KLF12: variants seen among roughly 807,000 people sequenced by gnomAD.
KLF12 encodes KLF transcription factor 12.
Under a neutral mutation model 37.8 loss-of-function variants are expected in KLF12, and 9 were observed. That is an observed-to-expected ratio of 0.24 (90% CI 0.14 to 0.42). KLF12 has a LOEUF of 0.42. Ranked by LOEUF, KLF12 falls within the 10% of genes least tolerant of loss-of-function variation. The pLI is 1.00. For synonymous variants in KLF12, 208 were observed against 202.1 expected (o/e 1.03, Z -0.25); for missense variants, 411 against 516.0 (o/e 0.80, Z 1.97).
At chr13:73,819,931 A>C (rs1883431525) in intron 4 of KLF12, among the ~76,000 whole-genome samples, 1 of 152,170 alleles carries the variant, frequency 6.6e-6, no homozygotes, top group African/African-American at 2.4e-5. Flanking sequence ...CATGTGCCTG[A>C]GGACCTGCAA....
intron 1 of KLF12, among the ~76,000 whole-genome samples, chr13:74,097,714 TTGTG>T (rs58698640): frequency 1.4e-4 from 20 of 147,278 alleles, no homozygotes; most frequent in African/African-American, 4.8e-4. Flanking sequence ...ATATATGTAT[TTGTG>T]TGTGTGTGTG....
intron 6 of KLF12, among the ~76,000 whole-genome samples, chr13:73,762,518 A>T (rs981118909): frequency 6.6e-6 from 1 of 152,130 alleles, no homozygotes. Context: ...CTTTTCCTGA[A>T]CTTTAATTAC....
intron 5 of KLF12, among the ~76,000 whole-genome samples, chr13:73,790,978 G>GT (rs1299679947): frequency 6.6e-6 from 1 of 152,144 alleles, no homozygotes; most frequent in African/African-American, 2.4e-5. Flanking sequence ...AATTTTTCTA[G>GT]TCTGATCTTG....
chr13:74,053,921 A>G (rs1043701217), intron 1 of KLF12, among the ~76,000 whole-genome samples: 2 of 152,150 alleles, frequency 1.3e-5, no homozygotes, highest in African/African-American at 4.8e-5. Flanking sequence ...CTAAGGATAA[A>G]TTCATTCTGT....
At chr13:74,289,497 C>T in the KLF12 span, among the ~76,000 whole-genome samples, 3 of 152,158 alleles carry the variant, frequency 2.0e-5, no homozygotes, top group Admixed American at 1.3e-4. Flanking sequence ...ACAGCCATTT[C>T]GGCCCAACTC....
intron 1 of KLF12, among the ~76,000 whole-genome samples, chr13:73,997,655 G>A (rs1247930718): frequency 6.6e-6 from 1 of 152,050 alleles, no homozygotes; most frequent in East Asian, 1.9e-4. Context: ...AATTTACTTA[G>A]CTCTGCCAAA....
intron 1 of KLF12, among the ~76,000 whole-genome samples, chr13:73,995,461 G>C (rs934129898): frequency 6.6e-6 from 1 of 152,038 alleles, no homozygotes; most frequent in African/African-American, 2.4e-5. Context: ...TGGAACCCTT[G>C]GCTTCATTAT....
the KLF12 span, among the ~76,000 whole-genome samples, chr13:74,241,468 C>T: frequency 5.3e-5 from 8 of 152,204 alleles, no homozygotes; most frequent in East Asian, 1.9e-4. Context: ...GTGGTGGGCT[C>T]CACCCAGTTC....
chr13:73,848,132 A>T (rs1372303760), intron 3 of KLF12, among the ~76,000 whole-genome samples: 1 of 152,202 alleles, frequency 6.6e-6, no homozygotes, highest in Non-Finnish European at 1.5e-5. Flanking sequence ...GTATCAACAT[A>T]TCAAAAATTC....
intron 7 of KLF12, among the ~76,000 whole-genome samples, chr13:73,710,128 T>A (rs550102846): frequency 2.6e-4 from 39 of 151,752 alleles, no homozygotes; most frequent in Non-Finnish European, 3.7e-4. Context: ...CTTTCAGTGA[T>A]AGGGAACACA....
chr13:73,849,375 T>TAAAAAAAAAAAAAA lies in KLF12; in HGVS notation c.124-3016_124-3003dup, dbSNP rs574332239. 5.1e-4 allele frequency among the ~76,000 whole-genome samples: 50 copies of TAAAAAAAAAAAAAA among 98,970 alleles called. 5 individuals are homozygous for TAAAAAAAAAAAAAA. Among genetic ancestry groups the TAAAAAAAAAAAAAA allele is most frequent in the African/African-American group, 2.3e-3 (48 of 20,794 alleles). The allele number at this position is 98,970 out of a possible 152,430, so 64.9% of individuals were successfully genotyped here. On this transcript the variant is annotated intron_variant, in intron 3 of 7. Transcript: ENST00000377669. ...GCTTGGGCAACAGAGGGAGACTCCATAAAAAAAAAAAAAAAAAAAAAAAAA... is the reference window on the plus strand; with the variant it reads ...GCTTGGGCAACAGAGGGAGACTCCATAAAAAAAAAAAAAAAAAAAAAAAAAAAAAAAAAAAAAAA...
At chr13:74,238,828 T>A in the KLF12 span, among the ~76,000 whole-genome samples, 1 of 152,168 alleles carries the variant, frequency 6.6e-6, no homozygotes, top group Non-Finnish European at 1.5e-5. Context: ...GATTCTTCTC[T>A]CTTTTTTTCT....
intron 1 of KLF12, among the ~76,000 whole-genome samples, chr13:74,041,589 C>T (rs555108637): frequency 8.6e-5 from 13 of 151,942 alleles, no homozygotes; most frequent in African/African-American, 3.1e-4. Flanking sequence ...GCAACTCTTC[C>T]TTCTTAAAAC....
intron 4 of KLF12, among the ~76,000 whole-genome samples, chr13:73,839,042 T>C (rs759122409): frequency 6.2e-4 from 95 of 152,020 alleles, no homozygotes; most frequent in Non-Finnish European, 1.1e-3. Flanking sequence ...AGAGAGGAGA[T>C]GCGTCCTTTT....
the KLF12 span, among the ~76,000 whole-genome samples, chr13:74,151,347 C>G: frequency 1.3e-5 from 2 of 151,984 alleles, no homozygotes; most frequent in African/African-American, 4.8e-5. Context: ...CTGTACAAGC[C>G]TCAAATTAAG....
At chr13:73,695,818 G>C in intron 7 of KLF12, 147 bp from the exon 8 acceptor site, 2 of 740,958 alleles carry the variant, frequency 2.7e-6, no homozygotes, top group Middle Eastern at 3.9e-4. Context: ...TCCCACCAGC[G>C]GTCTGGGTCA....
intron 3 of KLF12, among the ~76,000 whole-genome samples, chr13:73,929,978 T>A (rs1304944464): frequency 6.6e-6 from 1 of 152,108 alleles, no homozygotes; most frequent in Non-Finnish European, 1.5e-5. Flanking sequence ...AAATAAAAGA[T>A]GTCAGGCAAT....
the KLF12 span, among the ~76,000 whole-genome samples, chr13:74,233,998 C>A: frequency 1.3e-5 from 2 of 151,904 alleles, no homozygotes; most frequent in Non-Finnish European, 2.9e-5. Flanking sequence ...TGAAGAAAAC[C>A]ACAACACTGA....
upstream of KLF12, among the ~76,000 whole-genome samples, chr13:74,135,582 G>T (rs1373365028): frequency 6.6e-6 from 1 of 151,308 alleles, no homozygotes; most frequent in African/African-American, 2.4e-5. Context: ...GAGCAGACGG[G>T]GCGGAAGCGG....
Sources: allele counts gnomAD v4.1 joint callset (sites outside exome capture counted in the v4.1 genomes callset), GRCh38; gene constraint gnomAD v4.1.1; transcripts MANE v1.5; gene names NCBI Gene and HGNC (gene_info 2026-07-23, HGNC 2026-07-21).